Variants in COL11A1 observed in about 807,000 individuals in gnomAD.
COL11A1 encodes collagen type XI alpha 1 chain, also known as collagen alpha-1(XI) chain.
In COL11A1, 74 loss-of-function variants were observed where a neutral mutation model predicts 265.2. The ratio of observed to expected loss-of-function variants is 0.28; its 90% confidence interval spans 0.23 to 0.34. The LOEUF (loss-of-function observed/expected upper bound fraction) is 0.34. Ranked by LOEUF, COL11A1 falls within the 10% of genes least tolerant of loss-of-function variation. The probability of loss-of-function intolerance (pLI) is 1.00; values close to 1 mark genes in which losing one functional copy is unlikely to be tolerated. For synonymous variants in COL11A1, 816 were observed against 727.6 expected, an observed-to-expected ratio of 1.12 and a Z score of -1.96; for missense variants, 2,165 against 2,263.6, an observed-to-expected ratio of 0.96 and a Z score of 0.88.
At chr1:102,964,965 C>G (rs1661267442) in intron 38 of COL11A1, among the ~76,000 whole-genome samples, 1 of 152,052 alleles carries the variant, frequency 6.6e-6, no homozygotes, top group South Asian at 2.1e-4. Context: ...CTTGTCTTTT[C>G]CACTATTTTG....
chr1:103,014,002 T>C (rs1666343413), intron 13 of COL11A1, among the ~76,000 whole-genome samples: 1 of 152,044 alleles, frequency 6.6e-6, no homozygotes, highest in Admixed American at 6.6e-5. Context: ...ATACTACAGA[T>C]TATAAAGATT....
In COL11A1 at chr1:102,962,191, A is replaced by T. The variant is rs780681806; in HGVS notation, c.3099T>A (p.Gly1033=). Residue 1033 remains glycine (G), a synonymous_variant, in exon 40 of 67, where the codon GGT becomes GGA. Coordinates refer to ENST00000370096, the MANE Select transcript of COL11A1 (RefSeq NM_001854.4). ...TTGATTATACCTGAGCTCCAGGAAG[A>T]CCTCTTTCCCCTGGGAAACCACGTA... The part of the protein sequence containing the change: ...AGLRGFPGER[G]LPGAQGAPGL... 1 of 1,612,844 alleles carries T rather than the reference A, an allele frequency of 6.2e-7. No individual in the cohort carries two copies. Among genetic ancestry groups the T allele is most frequent in the Admixed American group, 1.7e-5 (1 of 59,986 alleles).
chr1:102,966,075 TATAGTC>T (rs1472861490), intron 37 of COL11A1, among the ~76,000 whole-genome samples: 1 of 152,180 alleles, frequency 6.6e-6, no homozygotes, highest in Non-Finnish European at 1.5e-5. Context: ...ACTCAAGAGA[TATAGTC>T]ATAAATGCAT....
chr1:103,097,318 C>G (rs1308126577), intron 1 of COL11A1, among the ~76,000 whole-genome samples: 4 of 151,928 alleles, frequency 2.6e-5, no homozygotes, highest in African/African-American at 7.2e-5. Flanking sequence ...TGCTTCTTCT[C>G]CAGACATACT....
intron 9 of COL11A1, 93 bp from the exon 10 acceptor site, chr1:103,018,952 T>A (rs1229296228): frequency 2.0e-6 from 2 of 980,752 alleles, no homozygotes; most frequent in Non-Finnish European, 3.2e-6. Context: ...TCATTGCATA[T>A]TAAATAGTGA....
At chr1:103,064,468 T>C (rs1457130687) in intron 4 of COL11A1, among the ~76,000 whole-genome samples, 1 of 151,780 alleles carries the variant, frequency 6.6e-6, no homozygotes, top group African/African-American at 2.4e-5. Context: ...GGCGGGTGGA[T>C]CACGAGGTCA....
chr1:102,948,573 T>G (rs1326426343), intron 41 of COL11A1, among the ~76,000 whole-genome samples: 2 of 152,030 alleles, frequency 1.3e-5, no homozygotes, highest in African/African-American at 4.8e-5. Context: ...TGAGTAAGTA[T>G]ATATTCAAAA....
At chr1:103,036,368 AAT>A (rs1668374046) in intron 4 of COL11A1, among the ~76,000 whole-genome samples, 3 of 145,078 alleles carry the variant, frequency 2.1e-5, no homozygotes, top group African/African-American at 5.1e-5. Flanking sequence ...TATGTATATA[AAT>A]ATATATTATA....
rs1006000907 is a variant in COL11A1, at chr1:102,970,385, A to G, written c.2809-113T>C. The G allele has an allele frequency of 8.1e-6, 6 of 745,228 alleles. No individual in the cohort carries two copies. The African/African-American group carries it at 8.9e-5, about 11-fold the overall frequency. The allele number at this position is 745,228 out of a possible 1,614,324, so 46.2% of individuals were successfully genotyped here. On this transcript the variant is annotated intron_variant, in intron 36 of 66. Coordinates refer to ENST00000370096, the MANE Select transcript of COL11A1 (RefSeq NM_001854.4). The stretch of plus-strand genomic sequence containing the variant: ...TTTTTATATTTCCATTAGCTATTTT[A>G]CTTTGCTCTTCTGTTGATTTTATAT...
chr1:102,907,867 A>T (rs909071635), intron 54 of COL11A1, among the ~76,000 whole-genome samples: 2 of 152,074 alleles, frequency 1.3e-5, no homozygotes, highest in Non-Finnish European at 2.9e-5. Context: ...ACAAAACATT[A>T]TTCCTTGAGT....
intron 4 of COL11A1, among the ~76,000 whole-genome samples, chr1:103,066,023 C>T (rs1671113737): frequency 6.6e-6 from 1 of 152,026 alleles, no homozygotes; most frequent in Admixed American, 6.6e-5. Flanking sequence ...AAACTGTCAA[C>T]CCAGAATTCT....
chr1:103,093,627 C>T (rs946449405), intron 1 of COL11A1, among the ~76,000 whole-genome samples: 5 of 152,100 alleles, frequency 3.3e-5, no homozygotes, highest in Admixed American at 6.6e-5. Flanking sequence ...GCCTGTCTTT[C>T]GGTAGTACAA....
At chr1:102,921,775 G>A (rs1157395182) in intron 47 of COL11A1, among the ~76,000 whole-genome samples, 1 of 152,162 alleles carries the variant, frequency 6.6e-6, no homozygotes, top group African/African-American at 2.4e-5. Flanking sequence ...AGGAAATTAG[G>A]ATTTCAAGAG....
Position 102,996,431 on chromosome 1 carries a change from T to C in COL11A1, c.2242-389A>G, listed in dbSNP as rs546460915. On this transcript the variant is annotated intron_variant, in intron 26 of 66. Transcript: ENST00000370096. The stretch of plus-strand genomic sequence containing the variant: ...AACTAACAAGATTGATAATTTCAAA[T>C]AGAAAATTATAAATTAGTAGCATTC... Among the ~76,000 whole-genome samples the C allele has an allele frequency of 9.2e-5, 14 of 151,978 alleles. No individual in the cohort carries two copies. In the South Asian group the frequency reaches 2.3e-3, roughly 25 times the overall value.
At chr1:103,070,817 T>C (rs1671525655) in intron 4 of COL11A1, among the ~76,000 whole-genome samples, 1 of 151,960 alleles carries the variant, frequency 6.6e-6, no homozygotes, top group African/African-American at 2.4e-5. Flanking sequence ...CATTGTTCTA[T>C]AGGAAAACCA....
At chr1:102,955,710 T>C (rs751657292) in intron 41 of COL11A1, among the ~76,000 whole-genome samples, 1 of 152,188 alleles carries the variant, frequency 6.6e-6, no homozygotes. Flanking sequence ...TATAAAAATA[T>C]ATGCAGTAGG....
At chr1:103,021,815 T>C (rs763108215) in intron 8 of COL11A1, 46 bp from the exon 9 acceptor site, 4 of 1,213,596 alleles carry the variant, frequency 3.3e-6, no homozygotes, top group Admixed American at 3.7e-5. Flanking sequence ...TGTAAGACCA[T>C]TTCTTTCTTT....
chr1:102,889,410 T>TGTGTGTGTGTGTG (rs71094579), intron 59 of COL11A1, 45 bp downstream of exon 59: 1 of 1,195,334 alleles, frequency 8.4e-7, no homozygotes, highest in Non-Finnish European at 1.3e-6. Context: ...TGTGTGTGTG[T>TGTGTGTGTGTGTG]ATTATTGGAA....
In COL11A1 at chr1:102,898,719, C is replaced by T; in HGVS notation, c.4195G>A (p.Gly1399Arg). 6.2e-7 allele frequency: 1 copy of T among 1,612,982 alleles called. No individual in the cohort carries two copies. Among genetic ancestry groups the T allele is most frequent in the Non-Finnish European group, 8.5e-7 (1 of 1,179,408 alleles). ...PGKTGPVGPQ[G>R]PAGKPGPEGL... ...TCTGGACCAGGCTTTCCTGCAGGTCCCTGAGGACCGACTGGGCCGGTTTTT... is the reference window on the plus strand; with the variant it reads ...TCTGGACCAGGCTTTCCTGCAGGTCTCTGAGGACCGACTGGGCCGGTTTTT... The change falls in exon 56 of 67, where the codon GGA (glycine) becomes AGA (arginine). Residue 1399 changes from glycine (G) to arginine (R), a missense_variant. Coordinates refer to ENST00000370096, the MANE Select transcript of COL11A1 (RefSeq NM_001854.4).
Sources: allele counts gnomAD v4.1 joint callset (sites outside exome capture counted in the v4.1 genomes callset), GRCh38; gene constraint gnomAD v4.1.1; transcripts MANE v1.5; gene names NCBI Gene and HGNC (gene_info 2026-07-23, HGNC 2026-07-21).